SULF1: variants seen among roughly 807,000 people sequenced by gnomAD.
SULF1 encodes the protein sulfatase 1, also known as extracellular sulfatase Sulf-1.
Under a neutral mutation model 110.5 loss-of-function variants are expected in SULF1, and 46 were observed. The ratio of observed to expected loss-of-function variants is 0.42; its 90% CI spans 0.33 to 0.53. The LOEUF is 0.53. Ranked by LOEUF, SULF1 falls within the 20% of genes least tolerant of loss-of-function variation. The pLI is 0.12. For synonymous variants in SULF1, 371 were observed against 387.1 expected (o/e 0.96, Z 0.49); for missense variants, 941 against 1,094.2 (o/e 0.86, Z 1.98).
chr8:69,472,751 T>A (rs1466184689), intron 1 of SULF1, among the ~76,000 whole-genome samples: 1 of 152,236 alleles, frequency 6.6e-6, no homozygotes, highest in Non-Finnish European at 1.5e-5. Context: ...CATCGTCACC[T>A]GTAGCCGCTA....
chr8:69,583,806 C>G (rs147469541), intron 6 of SULF1, among the ~76,000 whole-genome samples: 440 of 152,156 alleles, frequency 2.9e-3, no homozygotes, highest in African/African-American at 9.9e-3. Context: ...CATGACTATA[C>G]CACAATGGAG....
intron 3 of SULF1, among the ~76,000 whole-genome samples, chr8:69,555,910 G>A (rs1285168240): frequency 6.6e-6 from 1 of 152,078 alleles, no homozygotes; most frequent in East Asian, 1.9e-4. Context: ...CTCAAGAATT[G>A]TGGAACTTTA....
At position 69,520,830 on chromosome 8, in the gene SULF1, T is replaced by A. The variant is rs138207755; in HGVS notation, c.-134+18862T>A. On this transcript the variant is annotated intron_variant, in intron 3 of 22. Transcript: ENST00000402687. Reference sequence around the variant, plus strand: ...TCTTTCAGTGAGAGCCAGGTTTACATGAAACTTGGCCAAGCATTAGATGAA... The same window carrying A: ...TCTTTCAGTGAGAGCCAGGTTTACAAGAAACTTGGCCAAGCATTAGATGAA... 3.2e-3 allele frequency among the ~76,000 whole-genome samples: 491 copies of A among 152,294 alleles called. 3 individuals carry two copies. Among genetic ancestry groups the A allele is most frequent in the African/African-American group, 0.011 (471 of 41,568 alleles).
In SULF1 at chr8:69,654,809, A is replaced by G. The variant is rs531695713; in HGVS notation, c.2586-3696A>G. On this transcript the variant is annotated intron_variant, in intron 22 of 22. Transcript: ENST00000402687. ...CAATGCTTTTGTCTCCCCACATTTT[A>G]GACAGCAAATGTTTTAACTGCCCAT... 3.0e-4 allele frequency among the ~76,000 whole-genome samples: 45 copies of G among 152,296 alleles called. No homozygotes were observed. In the South Asian group the frequency reaches 8.3e-3, roughly 28 times the overall value.
At chr8:69,654,863 C>T (rs1024883613) in intron 22 of SULF1, among the ~76,000 whole-genome samples, 3 of 152,176 alleles carry the variant, frequency 2.0e-5, no homozygotes, top group African/African-American at 7.2e-5. Flanking sequence ...AACTGTTACT[C>T]TAAGGATAAT....
chr8:69,571,461 A>G (rs539090462), intron 5 of SULF1, among the ~76,000 whole-genome samples: 1 of 152,254 alleles, frequency 6.6e-6, no homozygotes, highest in South Asian at 2.1e-4. Context: ...CACATGTTCA[A>G]GTCTAGGGCT....
chr8:69,638,406 T>G, intron 19 of SULF1, 96 bp from the exon 20 acceptor site: 2 of 1,374,196 alleles, frequency 1.5e-6, no homozygotes, highest in South Asian at 2.7e-5. Context: ...AATTGTGAAC[T>G]TTAAAGTGTA....
chr8:69,655,143 G>T (rs748930560), intron 22 of SULF1, among the ~76,000 whole-genome samples: 2 of 152,198 alleles, frequency 1.3e-5, no homozygotes, highest in African/African-American at 2.4e-5. Context: ...TACTGGCATT[G>T]GTTGCTCCCA....
chr8:69,550,127 C>A (rs1421165983), intron 3 of SULF1, among the ~76,000 whole-genome samples: 1 of 151,552 alleles, frequency 6.6e-6, no homozygotes, highest in Non-Finnish European at 1.5e-5. Context: ...CATACAAGAT[C>A]TTTTAGAGTG....
intron 12 of SULF1, 98 bp downstream of exon 12, chr8:69,603,754 T>A: frequency 1.2e-6 from 1 of 848,518 alleles, no homozygotes. Flanking sequence ...TTACTAAGCA[T>A]GCAGATTTCG....
At chr8:69,576,288 C>A in intron 6 of SULF1, 79 bp downstream of exon 6, 1 of 1,491,260 alleles carries the variant, frequency 6.7e-7, no homozygotes, top group South Asian at 1.3e-5. Context: ...TAATGAAATG[C>A]ATGAAGTTCC....
At chr8:69,614,326 G>C (rs79257274) in intron 13 of SULF1, among the ~76,000 whole-genome samples, 46 of 152,042 alleles carry the variant, frequency 3.0e-4, no homozygotes, top group Admixed American at 1.2e-3. Flanking sequence ...ACACCATTCC[G>C]AGTCCAAGAC....
At chr8:69,544,085 T>C (rs947245312) in intron 3 of SULF1, among the ~76,000 whole-genome samples, 1 of 152,224 alleles carries the variant, frequency 6.6e-6, no homozygotes, top group African/African-American at 2.4e-5. Flanking sequence ...GATTTACACA[T>C]TCATGTTTCT....
chr8:69,552,375 A>T lies in SULF1; in HGVS notation c.-133-11164A>T, dbSNP rs141746346. Among the ~76,000 whole-genome samples the T allele has an allele frequency of 1.3e-3, 189 of 151,112 alleles. No homozygotes were observed. The South Asian group carries it at 0.015, about 12-fold the overall frequency. ...AGTCAGTAAGTTGTCAAGGAATTTT[A>T]AAAAAATCAGTACTAAGATTATGAC... On this transcript the variant is annotated intron_variant, in intron 3 of 22. Coordinates refer to ENST00000402687, the MANE Select transcript of SULF1 (RefSeq NM_001128205.2).
At chr8:69,648,456 C>T (rs1375697194) in intron 22 of SULF1, among the ~76,000 whole-genome samples, 1 of 152,122 alleles carries the variant, frequency 6.6e-6, no homozygotes, top group Non-Finnish European at 1.5e-5. Flanking sequence ...ATAGATGATG[C>T]CATAATGGAG....
Position 69,658,855 on chromosome 8 carries a change from G to A in SULF1, c.*320G>A, listed in dbSNP as rs1240915441. On this transcript the variant is annotated 3_prime_UTR_variant, in exon 23 of 23. Transcript: ENST00000402687. ...GAAAACACCTCATTTGACCTTGCCA[G>A]CTGACCTTCAAACCCTGCATTTGAA... 1.8e-6 allele frequency: 1 copy of A among 545,994 alleles called. No individual in the cohort carries two copies. The highest frequency in any genetic ancestry group is 1.9e-5 in the African/African-American group (1 of 53,552). 33.8% of individuals were successfully genotyped at this position (545,994 alleles called of 1,614,324 possible).
rs79261281 is a variant in SULF1, at chr8:69,494,672, T to C, written c.-390-1093T>C. ...GCCTCAAAGGCAAACTCAATCATAA[T>C]AGAAGGAACACAAGCTTTGATGAGA... On this transcript the variant is annotated intron_variant, in intron 1 of 22. Coordinates refer to ENST00000402687, the MANE Select transcript of SULF1 (RefSeq NM_001128205.2). Among the ~76,000 whole-genome samples the C allele has an allele frequency of 9.1e-4, 139 of 152,278 alleles. 2 individuals carry two copies. In the East Asian group the frequency reaches 0.025, roughly 28 times the overall value.
chr8:69,629,088 C>T (rs772930365), intron 18 of SULF1, among the ~76,000 whole-genome samples: 30 of 152,126 alleles, frequency 2.0e-4, no homozygotes, highest in Admixed American at 3.9e-4. Flanking sequence ...GGCTTTAGTG[C>T]GGTGGTGCAA....
At chr8:69,492,712 T>C (rs2704035), upstream of SULF1, 77,260 of 152,316 alleles carry the variant, frequency 0.51, 22,703 homozygotes, top group African/African-American at 0.8. Context: ...AAATTCACCC[T>C]TAGTGTAACT....
Sources: allele counts gnomAD v4.1 joint callset (sites outside exome capture counted in the v4.1 genomes callset), GRCh38; gene constraint gnomAD v4.1.1; transcripts MANE v1.5; gene names NCBI Gene and HGNC (gene_info 2026-07-23, HGNC 2026-07-21).